Variants in HPSE2 observed in about 807,000 individuals in gnomAD.
The protein encoded by HPSE2 is heparanase 2 (inactive), also known as inactive heparanase-2.
Under a neutral mutation model 60.5 loss-of-function variants are expected in HPSE2, and 38 were observed. The observed-to-expected ratio is 0.63, with a 90% CI of 0.48 to 0.82. The LOEUF is 0.82. Ranked by LOEUF, HPSE2 falls within the 40% of genes least tolerant of loss-of-function variation. The probability of loss-of-function intolerance (pLI) is 0.00; values close to 1 mark genes in which losing one functional copy is unlikely to be tolerated. For missense variants in HPSE2, 713 were observed against 740.4 expected, an observed-to-expected ratio of 0.96 and a Z score of 0.43; for synonymous variants, 295 against 293.2, an observed-to-expected ratio of 1.01 and a Z score of -0.06.
chr10:98,602,269 G>T (rs1267181961), intron 9 of HPSE2, among the ~76,000 whole-genome samples: 1 of 152,190 alleles, frequency 6.6e-6, no homozygotes, highest in Non-Finnish European at 1.5e-5. Context: ...TTTTGACAAT[G>T]GGATAGCAAG....
At chr10:98,572,065 C>T (rs1676002) in intron 9 of HPSE2, among the ~76,000 whole-genome samples, 128,466 of 151,658 alleles carry the variant, frequency 0.85, 55,711 homozygotes, top group East Asian at 1. Flanking sequence ...CTCAGCCTCC[C>T]AAGTAGCTGG....
the HPSE2 span, among the ~76,000 whole-genome samples, chr10:99,275,165 A>G: frequency 2.8e-4 from 43 of 152,346 alleles, no homozygotes; most frequent in African/African-American, 1.0e-3. Context: ...AATATCTGGG[A>G]AGAGAAAAAA....
the HPSE2 span, among the ~76,000 whole-genome samples, chr10:99,301,349 C>T: frequency 6.6e-6 from 1 of 152,192 alleles, no homozygotes; most frequent in Admixed American, 6.5e-5. Flanking sequence ...GACAGAGACA[C>T]AATCCAGCTC....
chr10:98,858,653 T>G (rs778721048), intron 3 of HPSE2, among the ~76,000 whole-genome samples: 1 of 152,104 alleles, frequency 6.6e-6, no homozygotes, highest in Non-Finnish European at 1.5e-5. Context: ...TAAATGGCAG[T>G]TGGTATTACA....
intron 2 of HPSE2, among the ~76,000 whole-genome samples, chr10:99,201,605 C>T (rs1420545205): frequency 6.6e-6 from 1 of 152,102 alleles, no homozygotes; most frequent in Non-Finnish European, 1.5e-5. Flanking sequence ...TCCTAAACTA[C>T]ATTAGTATAT....
At chr10:99,161,900 G>A (rs1846860928) in intron 2 of HPSE2, among the ~76,000 whole-genome samples, 1 of 152,120 alleles carries the variant, frequency 6.6e-6, no homozygotes, top group African/African-American at 2.4e-5. Context: ...TGAACCTTGA[G>A]GACATGATAC....
At chr10:98,513,320 T>C (rs1254809554) in intron 9 of HPSE2, among the ~76,000 whole-genome samples, 1 of 152,112 alleles carries the variant, frequency 6.6e-6, no homozygotes, top group Non-Finnish European at 1.5e-5. Context: ...TGAGTAATAG[T>C]GGGAGGAGGC....
intron 3 of HPSE2, among the ~76,000 whole-genome samples, chr10:98,804,061 GGTATTTTATT>G (rs1282548343): frequency 6.6e-6 from 1 of 151,910 alleles, no homozygotes; most frequent in Non-Finnish European, 1.5e-5. Context: ...TGGATTCCTA[GGTATTTTATT>G]CTCTTTGAAG....
At chr10:98,950,191 AAG>A in intron 3 of HPSE2, among the ~76,000 whole-genome samples, 1 of 152,294 alleles carries the variant, frequency 6.6e-6, no homozygotes, top group East Asian at 1.9e-4. Flanking sequence ...GCCAGCAAGA[AAG>A]AGAAAGTCCT....
chr10:99,173,539 T>C (rs1055059048), intron 2 of HPSE2, among the ~76,000 whole-genome samples: 3 of 151,926 alleles, frequency 2.0e-5, no homozygotes, highest in Non-Finnish European at 4.4e-5. Context: ...TGAGGAACTT[T>C]AGTAAATTTT....
chr10:99,053,187 T>C (rs561027785), intron 3 of HPSE2, among the ~76,000 whole-genome samples: 7 of 152,178 alleles, frequency 4.6e-5, no homozygotes, highest in Admixed American at 1.3e-4. Flanking sequence ...GTGGGGATTA[T>C]AATATATGTA....
chr10:99,041,834 CT>C (rs1367962023), intron 3 of HPSE2, among the ~76,000 whole-genome samples: 2 of 152,138 alleles, frequency 1.3e-5, no homozygotes. Context: ...GTGATTGCCT[CT>C]ATAGTCCCTG....
chr10:98,712,591 A>AT (rs1042076453), intron 5 of HPSE2, among the ~76,000 whole-genome samples: 15 of 152,102 alleles, frequency 9.9e-5, no homozygotes, highest in African/African-American at 3.6e-4. Context: ...TAAAATGGCA[A>AT]TTTTTCTATT....
intron 11 of HPSE2, among the ~76,000 whole-genome samples, chr10:98,460,552 G>T (rs1364224112): frequency 6.6e-6 from 1 of 152,140 alleles, no homozygotes; most frequent in African/African-American, 2.4e-5. Flanking sequence ...GGTTGAGGCT[G>T]CAGTGAGCCA....
intron 9 of HPSE2, among the ~76,000 whole-genome samples, chr10:98,543,110 T>C (rs932799725): frequency 9.2e-5 from 14 of 152,290 alleles, no homozygotes; most frequent in Non-Finnish European, 1.6e-4. Context: ...GGGAAGCCCA[T>C]CAGACTAACA....
the HPSE2 span, among the ~76,000 whole-genome samples, chr10:99,270,799 G>T: frequency 1.3e-5 from 2 of 152,144 alleles, no homozygotes; most frequent in African/African-American, 4.8e-5. Flanking sequence ...GACCAAGGGG[G>T]TTTCATTCCA....
chr10:99,239,166 AT>A (rs1849908656), upstream of HPSE2, among the ~76,000 whole-genome samples: 1 of 152,070 alleles, frequency 6.6e-6, no homozygotes, highest in South Asian at 2.1e-4. Context: ...TCTCAAAAAA[AT>A]AAAAAGTAAA....
chr10:98,508,668 G>A (rs1942282834), intron 9 of HPSE2, among the ~76,000 whole-genome samples: 1 of 152,200 alleles, frequency 6.6e-6, no homozygotes, highest in African/African-American at 2.4e-5. Context: ...CTGAGGGCCA[G>A]GGAAGAAGTC....
At chr10:98,811,342 G>A (rs1209621647) in intron 3 of HPSE2, among the ~76,000 whole-genome samples, 1 of 152,110 alleles carries the variant, frequency 6.6e-6, no homozygotes, top group African/African-American at 2.4e-5. Context: ...CTACTGGAAT[G>A]AAAACTCTAT....
Sources: gnomAD v4.1 joint callset for allele counts (sites outside exome capture counted in the v4.1 genomes callset) on GRCh38, gnomAD v4.1.1 for gene constraint, MANE v1.5 for transcripts, NCBI Gene and HGNC (gene_info 2026-07-23, HGNC 2026-07-21) for gene names.